C21orf91: variants seen among roughly 807,000 people sequenced by gnomAD.
C21orf91 encodes chromosome 21 open reading frame 91, also known as protein EURL homolog.
In C21orf91, 26 loss-of-function variants were observed where a neutral mutation model predicts 32.9. That is an observed-to-expected ratio of 0.79 (90% CI 0.58 to 1.10). The LOEUF is 1.10. C21orf91 is among the 50% of genes least tolerant of loss of function. The probability of loss-of-function intolerance (pLI) is 0.00; values close to 1 mark genes in which losing one functional copy is unlikely to be tolerated. For synonymous variants in C21orf91, 126 were observed against 120.4 expected, an observed-to-expected ratio of 1.05 and a Z score of -0.31; for missense variants, 310 against 341.3, an observed-to-expected ratio of 0.91 and a Z score of 0.72.
At chr21:17,813,921 A>G (rs243555) in intron 2 of C21orf91, 124,215 of 152,054 alleles carry the variant, frequency 0.82, 51,482 homozygotes, top group African/African-American at 0.95. Flanking sequence ...AGAATTGCTC[A>G]AGGTCAGCCT....
intron 2 of C21orf91, among the ~76,000 whole-genome samples, chr21:17,805,882 C>G (rs2062590764): frequency 6.6e-6 from 1 of 152,102 alleles, no homozygotes; most frequent in Non-Finnish European, 1.5e-5. Flanking sequence ...AAAAGCTATT[C>G]AAATTAACTG....
In C21orf91 at chr21:17,796,132, G is replaced by A. The variant is rs999830047; in HGVS notation, c.664+450C>T. The stretch of plus-strand genomic sequence containing the variant: ...TTGTAGAAATAGATGTAGAGAGAAT[G>A]AGTCACCCTTTCTAACTTTACAATA... On this transcript the variant is annotated intron_variant, in intron 3 of 4. Transcript: ENST00000284881. 2.6e-4 allele frequency among the ~76,000 whole-genome samples: 39 copies of A among 152,154 alleles called. 1 individual carries two copies. Among genetic ancestry groups the A allele is most frequent in the Admixed American group, 2.6e-3 (39 of 15,280 alleles).
At chr21:17,814,565 C>A (rs1242601160) in intron 2 of C21orf91, among the ~76,000 whole-genome samples, 3 of 152,246 alleles carry the variant, frequency 2.0e-5, no homozygotes, top group African/African-American at 7.2e-5. Context: ...TCAGCCTCTG[C>A]GGAGGCCTCA....
chr21:17,808,028 A>G (rs1010410759), intron 2 of C21orf91, among the ~76,000 whole-genome samples: 1 of 152,244 alleles, frequency 6.6e-6, no homozygotes, highest in Non-Finnish European at 1.5e-5. Flanking sequence ...GAGGAGCTAA[A>G]TAGCCAAAAC....
intron 2 of C21orf91, among the ~76,000 whole-genome samples, chr21:17,812,229 C>T: frequency 6.6e-6 from 1 of 152,102 alleles, no homozygotes; most frequent in African/African-American, 2.4e-5. Flanking sequence ...TCACCCATCC[C>T]TACTCCTGTT....
At chr21:17,796,476 C>T in intron 3 of C21orf91, 106 bp downstream of exon 3, 1 of 858,524 alleles carries the variant, frequency 1.2e-6, no homozygotes, top group Non-Finnish European at 1.8e-6. Flanking sequence ...ACAATGTTTC[C>T]CAAATCTATG....
chr21:17,803,720 G>A (rs2062577499), intron 2 of C21orf91, among the ~76,000 whole-genome samples: 1 of 152,138 alleles, frequency 6.6e-6, no homozygotes, highest in Non-Finnish European at 1.5e-5. Flanking sequence ...GTAAAAATGG[G>A]AGGGTAGCCA....
chr21:17,795,396 T>A, intron 3 of C21orf91, 126 bp from the exon 4 acceptor site: 1 of 680,624 alleles, frequency 1.5e-6, no homozygotes, highest in Non-Finnish European at 2.6e-6. Context: ...TCAGCAGTAC[T>A]CCAGTATTCA....
Position 17,815,498 on chromosome 21 carries a change from T to C in C21orf91, c.127+2694A>G, listed in dbSNP as rs544986029. Among the ~76,000 whole-genome samples the C allele has an allele frequency of 6.6e-5, 10 of 152,328 alleles. No individual in the cohort carries two copies. In the South Asian group the frequency reaches 2.1e-3, roughly 32 times the overall value. ...GGTAGAGGAAAGAAAACTTCAAAAATATTTTAAAAGATTTACCGACAACAA... is the reference window on the plus strand; with the variant it reads ...GGTAGAGGAAAGAAAACTTCAAAAACATTTTAAAAGATTTACCGACAACAA... On this transcript the variant is annotated intron_variant, in intron 2 of 4. Transcript: ENST00000284881.
At chr21:17,816,065 ATTATT>A (rs1438837003) in intron 2 of C21orf91, among the ~76,000 whole-genome samples, 2 of 152,256 alleles carry the variant, frequency 1.3e-5, no homozygotes, top group African/African-American at 4.8e-5. Context: ...TAGAGAAGAA[ATTATT>A]TGACTCTAAT....
At chr21:17,812,934 G>C (rs1329738196) in intron 2 of C21orf91, among the ~76,000 whole-genome samples, 1 of 152,158 alleles carries the variant, frequency 6.6e-6, no homozygotes. Flanking sequence ...CCCAAATGCA[G>C]GGCCCTCAAC....
chr21:17,800,422 A>G (rs2062551176), intron 2 of C21orf91, among the ~76,000 whole-genome samples: 1 of 152,240 alleles, frequency 6.6e-6, no homozygotes, highest in Non-Finnish European at 1.5e-5. Flanking sequence ...AATTTGCATC[A>G]GTAATACACA....
chr21:17,812,406 T>C (rs2062638073), intron 2 of C21orf91, among the ~76,000 whole-genome samples: 1 of 152,150 alleles, frequency 6.6e-6, no homozygotes. Context: ...AGCAACAGTG[T>C]TGGGAGGTGG....
intron 2 of C21orf91, among the ~76,000 whole-genome samples, chr21:17,816,591 T>C (rs1272323801): frequency 6.6e-6 from 1 of 152,254 alleles, no homozygotes; most frequent in Non-Finnish European, 1.5e-5. Context: ...CCAACAGTTA[T>C]GAGCTGTGTG....
chr21:17,805,246 G>A (rs755783011), intron 2 of C21orf91, among the ~76,000 whole-genome samples: 1 of 152,212 alleles, frequency 6.6e-6, no homozygotes, highest in Non-Finnish European at 1.5e-5. Context: ...AGGTAACTAA[G>A]CAAAAGGGTA....
At chr21:17,806,869 T>C (rs1362985042) in intron 2 of C21orf91, among the ~76,000 whole-genome samples, 6 of 149,602 alleles carry the variant, frequency 4.0e-5, no homozygotes, top group Non-Finnish European at 5.9e-5. Flanking sequence ...GGGCACTCCA[T>C]CCAAAAAAAA....
At chr21:17,806,484 T>C (rs1030651503) in intron 2 of C21orf91, among the ~76,000 whole-genome samples, 2 of 149,120 alleles carry the variant, frequency 1.3e-5, no homozygotes, top group South Asian at 2.2e-4. Flanking sequence ...AGAAAATAAC[T>C]GTAGGTTGCC....
At chr21:17,806,171 T>TG (rs979286712) in intron 2 of C21orf91, among the ~76,000 whole-genome samples, 2 of 152,314 alleles carry the variant, frequency 1.3e-5, no homozygotes, top group South Asian at 2.1e-4. Context: ...ACTTAAGTTC[T>TG]GAGAAAGTGA....
intron 4 of C21orf91, 113 bp downstream of exon 4, chr21:17,795,095 T>G: frequency 1.3e-6 from 1 of 763,532 alleles, no homozygotes; most frequent in Non-Finnish European, 2.4e-6. Flanking sequence ...CTAACAGGTT[T>G]GAATATCTCA....
Sources: allele counts gnomAD v4.1 joint callset (sites outside exome capture counted in the v4.1 genomes callset), GRCh38; gene constraint gnomAD v4.1.1; transcripts MANE v1.5; gene names NCBI Gene and HGNC (gene_info 2026-07-23, HGNC 2026-07-21).